DSG4: variants seen among roughly 807,000 people sequenced by gnomAD.
DSG4 encodes desmoglein 4.
In DSG4, 87 loss-of-function variants were observed where a neutral mutation model predicts 93.1. The ratio of observed to expected loss-of-function variants is 0.93; its 90% CI spans 0.79 to 1.12. The LOEUF (loss-of-function observed/expected upper bound fraction) is 1.12, where lower values mean the gene tolerates loss of function less well. DSG4 is among the 50% of genes most tolerant of loss of function. The pLI, the probability that DSG4 is intolerant of heterozygous loss-of-function variation, is 0.00. For missense variants in DSG4, 1,373 were observed against 1,285.7 expected (o/e 1.07, Z -1.04); for synonymous variants, 432 against 452.9 (o/e 0.95, Z 0.59).
chr18:31,392,546 A>G (rs1019157639), intron 8 of DSG4, among the ~76,000 whole-genome samples: 7 of 152,210 alleles, frequency 4.6e-5, no homozygotes, highest in African/African-American at 1.7e-4. Context: ...AAATATGAAG[A>G]CTGTTTTGTT....
chr18:31,396,311 C>T (rs948696129), intron 8 of DSG4, among the ~76,000 whole-genome samples: 2 of 146,418 alleles, frequency 1.4e-5, no homozygotes, highest in African/African-American at 5.1e-5. Context: ...CATATATTAT[C>T]TCATTTAATC....
intron 15 of DSG4, 142 bp downstream of exon 15, chr18:31,411,590 G>C (rs756237064): frequency 2.5e-5 from 27 of 1,079,438 alleles, no homozygotes; most frequent in Non-Finnish European, 3.4e-5. Context: ...AGTATTTCAC[G>C]TCTCCTTAAA....
chr18:31,392,680 G>A (rs1402882575), intron 8 of DSG4, among the ~76,000 whole-genome samples: 3 of 152,156 alleles, frequency 2.0e-5, no homozygotes, highest in African/African-American at 7.2e-5. Flanking sequence ...TAATTGCCAA[G>A]GGAGTGGAAT....
In DSG4 at chr18:31,400,421, G is replaced by T. The variant is rs1306295812; in HGVS notation, c.1278-460G>T. Among the ~76,000 whole-genome samples the T allele has an allele frequency of 2.0e-5, 3 of 152,204 alleles. No homozygotes were observed. In the South Asian group the frequency reaches 6.2e-4, roughly 32 times the overall value. ...ACTTTAAATCTATCATCTGTAACAA[G>T]ATCCAGATAGTCACACTGAACAGAG... On this transcript the variant is annotated intron_variant, in intron 9 of 15. Coordinates refer to ENST00000308128, the MANE Select transcript of DSG4 (RefSeq NM_177986.5).
rs1362928901 is a variant in DSG4 at position 31,411,559 on chromosome 18, C to T, written c.2355+111C>T. ...CGGAAATATGCTGTTATTCTCAACCCTATCCCAAACCTGAATAAAAAGTAT... is the reference window on the plus strand; with the variant it reads ...CGGAAATATGCTGTTATTCTCAACCTTATCCCAAACCTGAATAAAAAGTAT... On this transcript the variant is annotated intron_variant, in intron 15 of 15. Transcript: ENST00000308128. The T allele has an allele frequency of 6.3e-6, 8 of 1,271,026 alleles. No homozygotes were observed. The East Asian group carries it at 1.5e-4, about 23-fold the overall frequency. The allele number at this position is 1,271,026 out of a possible 1,614,324, so 78.7% of individuals were successfully genotyped here. A position where few individuals can be genotyped will look rare whatever the true frequency, so the allele number is the denominator to read the frequency against.
In DSG4 at chr18:31,413,668, A is replaced by G. The variant is rs2072525508; in HGVS notation, c.*73A>G. 6.6e-7 allele frequency: 1 copy of G among 1,526,224 alleles called. No individual in the cohort carries two copies. Among genetic ancestry groups the G allele is most frequent in the Admixed American group, 1.7e-5 (1 of 59,686 alleles). The allele number at this position is 1,526,224 out of a possible 1,614,324, so 94.5% of individuals were successfully genotyped here. On this transcript the variant is annotated 3_prime_UTR_variant, in exon 16 of 16. Transcript: ENST00000308128. Reference sequence around the variant, plus strand: ...ATCAATACATCCACCAAAAATATATAATGTACCATATATATTAATAGTCAA... The same window carrying G: ...ATCAATACATCCACCAAAAATATATGATGTACCATATATATTAATAGTCAA...
intron 5 of DSG4, 108 bp downstream of exon 5, chr18:31,389,126 C>A: frequency 7.7e-7 from 1 of 1,298,052 alleles, no homozygotes; most frequent in Non-Finnish European, 1.1e-6. Flanking sequence ...AAAAGCCACA[C>A]TTGTATTTTG....
At chr18:31,396,085 T>C (rs1598743277) in intron 8 of DSG4, among the ~76,000 whole-genome samples, 4 of 152,268 alleles carry the variant, frequency 2.6e-5, no homozygotes, top group Admixed American at 2.6e-4. Context: ...TTGGTATTTA[T>C]TGATAAGTGT....
At chr18:31,394,908 A>T (rs1322550091) in intron 8 of DSG4, among the ~76,000 whole-genome samples, 2 of 152,204 alleles carry the variant, frequency 1.3e-5, no homozygotes, top group Non-Finnish European at 2.9e-5. Flanking sequence ...CTAACTTTGT[A>T]TATTATCTCA....
rs756862725 is a variant in DSG4 at position 31,385,169 on chromosome 18, G to T, written c.82G>T (p.Glu28Ter). 14 of 1,582,444 alleles carry T rather than the reference G, an allele frequency of 8.8e-6. No homozygotes were observed. Among genetic ancestry groups the T allele is most frequent in the Non-Finnish European group, 1.2e-5 (14 of 1,159,078 alleles). The change falls in exon 2 of 16, where the codon GAG (glutamate) becomes TAG (stop). Residue 28 changes from glutamate (E) to a stop codon, truncating the protein, a stop_gained and splice_region_variant. Transcript: ENST00000308128. LOFTEE classifies it high-confidence loss of function. ...VMEVNSEFIV[E>*]VKEFDIENGT... ...GGAAGTAAACAGTGAATTTATTGTT[G>T]AGGTAATGTAAAATAAAATTATTTT...
At chr18:31,392,433 A>G in intron 8 of DSG4, 93 bp downstream of exon 8, 2 of 1,341,360 alleles carry the variant, frequency 1.5e-6, no homozygotes, top group Non-Finnish European at 2.1e-6. Flanking sequence ...CCTTTAAAAA[A>G]AAGTACTTCA....
At chr18:31,411,483 G>C (rs1568074231) in intron 15 of DSG4, 35 bp downstream of exon 15, 1 of 1,604,862 alleles carries the variant, frequency 6.2e-7, no homozygotes. Flanking sequence ...AAATCGTCTT[G>C]AGATTGAATA....
In DSG4 at chr18:31,388,925, G is replaced by A. The variant is rs1344390170; in HGVS notation, c.424G>A (p.Glu142Lys). The A allele has an allele frequency of 6.2e-7, 1 of 1,613,620 alleles. No homozygotes were observed. The highest frequency in any genetic ancestry group is 1.3e-5 in the African/African-American group (1 of 74,982). ...SRGEDLERPL[E>K]LRVKVMDIND... is the part of the protein sequence containing the mutation. Reference sequence around the variant, plus strand: ...GGGTGAAGATTTAGAAAGGCCTCTTGAGCTTAGAGTCAAAGTTATGGACAT... The same window carrying A: ...GGGTGAAGATTTAGAAAGGCCTCTTAAGCTTAGAGTCAAAGTTATGGACAT... Residue 142 changes from glutamate (E) to lysine (K), a missense_variant, in exon 5 of 16, where the codon GAG becomes AAG. Glu to Lys is a moderately conservative substitution (Grantham distance 56, BLOSUM62 1). Transcript: ENST00000308128.
At chr18:31,412,455 A>G (rs1321009629) in intron 15 of DSG4, among the ~76,000 whole-genome samples, 1 of 152,236 alleles carries the variant, frequency 6.6e-6, no homozygotes, top group Non-Finnish European at 1.5e-5. Flanking sequence ...TTGGTAGCAC[A>G]ACAGGATTGC....
chr18:31,413,436 A>G lies in DSG4; in HGVS notation c.2964A>G (p.Gly988=). ...GTAGCACGACTGAGGGTTGTATGGGACCTGTGATGAGCGGCAATATTTTAG... is the reference window on the plus strand; with the variant it reads ...GTAGCACGACTGAGGGTTGTATGGGGCCTGTGATGAGCGGCAATATTTTAG... ...SNSSTTEGCM[G]PVMSGNILVG... The change falls in exon 16 of 16, where the codon GGA becomes GGG. Residue 988 remains glycine (G), a synonymous_variant. Coordinates refer to ENST00000308128, the MANE Select transcript of DSG4 (RefSeq NM_177986.5). 1 of 1,612,984 alleles carries G rather than the reference A, an allele frequency of 6.2e-7. No individual in the cohort carries two copies. The highest frequency in any genetic ancestry group is 8.5e-7 in the Non-Finnish European group (1 of 1,179,066).
At chr18:31,387,484 A>G (rs1438393895) in intron 3 of DSG4, among the ~76,000 whole-genome samples, 1 of 152,118 alleles carries the variant, frequency 6.6e-6, no homozygotes, top group Non-Finnish European at 1.5e-5. Flanking sequence ...AAGAAAACAG[A>G]TGTATTCTCT....
rs886053704 is a variant in DSG4 at position 31,388,409 on chromosome 18, A to C, written c.259A>C (p.Ile87Leu). Residue 87 changes from isoleucine to leucine, a missense_variant, in exon 4 of 16, where the codon ATT becomes CTT. Ile to Leu is a conservative substitution (Grantham distance 5, BLOSUM62 2). Transcript: ENST00000308128. ...ATCGAACCAGAAGATAACATACCGG[A>C]TTTCTGGAGTAGGGATTGATCGACC... ...CESNQKITYR[I>L]SGVGIDRPPY... 3.7e-6 allele frequency: 6 copies of C among 1,613,488 alleles called. No homozygotes were observed. The highest frequency in any genetic ancestry group is 5.1e-6 in the Non-Finnish European group (6 of 1,179,602).
chr18:31,413,107 G>A lies in DSG4; in HGVS notation c.2635G>A (p.Glu879Lys). ...GCTCGGACCTAATTACTTTGTTAAT[G>A]AATCTTCAGGATTGACTCCCTCAGA... ...PLLGPNYFVN[E>K]SSGLTPSEVE... Residue 879 changes from glutamate to lysine, a missense_variant, in exon 16 of 16, where the codon GAA becomes AAA. Coordinates refer to ENST00000308128, the MANE Select transcript of DSG4 (RefSeq NM_177986.5). 6.2e-7 allele frequency: 1 copy of A among 1,614,148 alleles called. No homozygotes were observed. Among genetic ancestry groups the A allele is most frequent in the Non-Finnish European group, 8.5e-7 (1 of 1,180,028 alleles).
At chr18:31,399,123 G>A (rs1225669382) in intron 8 of DSG4, 149 bp from the exon 9 acceptor site, 1 of 905,832 alleles carries the variant, frequency 1.1e-6, no homozygotes, top group Non-Finnish European at 1.7e-6. Context: ...ACCTAATGCA[G>A]TAATAAGTAA....
Sources: allele counts gnomAD v4.1 joint callset (sites outside exome capture counted in the v4.1 genomes callset), GRCh38; gene constraint gnomAD v4.1.1; transcripts MANE v1.5; gene names NCBI Gene and HGNC (gene_info 2026-07-23, HGNC 2026-07-21).